LRRC28: variants seen among roughly 807,000 people sequenced by gnomAD.
LRRC28 encodes the protein leucine-rich repeat-containing protein 28.
A neutral mutation model predicts 45.7 loss-of-function variants in LRRC28; 39 were observed. That is an observed-to-expected ratio of 0.85 (90% CI 0.66 to 1.12). The LOEUF (loss-of-function observed/expected upper bound fraction) is 1.12. LRRC28 is among the 50% of genes most tolerant of loss of function. The pLI, the probability that LRRC28 is intolerant of heterozygous loss-of-function variation, is 0.00. For synonymous variants in LRRC28, 206 were observed against 178.8 expected (o/e 1.15, Z -1.22); for missense variants, 435 against 438.5 (o/e 0.99, Z 0.07).
intron 1 of LRRC28, among the ~76,000 whole-genome samples, 163 bp from the exon 2 acceptor site, chr15:99,255,735 T>C (rs1276927085): frequency 1.3e-5 from 2 of 152,226 alleles, no homozygotes; most frequent in African/African-American, 2.4e-5. Flanking sequence ...TTTAATCTCC[T>C]CCTAAATATG....
chr15:99,326,079 CT>C (rs1955965903), intron 5 of LRRC28, among the ~76,000 whole-genome samples: 1 of 151,890 alleles, frequency 6.6e-6, no homozygotes, highest in South Asian at 2.1e-4. Context: ...GGAGTGTGGC[CT>C]CTTATGGGGC....
chr15:99,354,183 A>G (rs1357926567), intron 7 of LRRC28, among the ~76,000 whole-genome samples: 1 of 152,186 alleles, frequency 6.6e-6, no homozygotes, highest in African/African-American at 2.4e-5. Context: ...AAAACTCGAA[A>G]TGCTTTCTTC....
At chr15:99,337,339 G>A (rs1266082277) in intron 6 of LRRC28, among the ~76,000 whole-genome samples, 1 of 152,258 alleles carries the variant, frequency 6.6e-6, no homozygotes, top group African/African-American at 2.4e-5. Context: ...TGCAGCAACA[G>A]AGGACCTGAC....
intron 9 of LRRC28, among the ~76,000 whole-genome samples, chr15:99,378,907 A>C (rs1431953071): frequency 6.6e-6 from 1 of 152,164 alleles, no homozygotes; most frequent in Non-Finnish European, 1.5e-5. Flanking sequence ...ATCATGGTGG[A>C]TAAGCTTCTT....
intron 5 of LRRC28, among the ~76,000 whole-genome samples, chr15:99,333,443 T>C (rs1170317279): frequency 1.3e-5 from 2 of 152,220 alleles, no homozygotes; most frequent in Non-Finnish European, 2.9e-5. Context: ...GACATTCTAA[T>C]TTCTACTCCA....
chr15:99,371,868 C>T (rs1289682061), intron 9 of LRRC28, among the ~76,000 whole-genome samples: 1 of 152,190 alleles, frequency 6.6e-6, no homozygotes, highest in Non-Finnish European at 1.5e-5. Context: ...GCTTTGACCC[C>T]ACCACCTAAT....
At chr15:99,366,882 A>AT (rs1455656958) in intron 9 of LRRC28, among the ~76,000 whole-genome samples, 5 of 135,568 alleles carry the variant, frequency 3.7e-5, no homozygotes, top group Admixed American at 1.5e-4. Flanking sequence ...CCCCACTGAG[A>AT]TAAAAAAAAA....
At position 99,363,057 on chromosome 15, in the gene LRRC28, G is replaced by A. The variant is rs959245133; in HGVS notation, c.872-49G>A. On this transcript the variant is annotated intron_variant, in intron 8 of 9. Transcript: ENST00000301981. ...AAATATTTTAAGAAGCGTAGTTTAAGGAAGTCTGATTTTTTTACTCGTGTG... is the reference window on the plus strand; with the variant it reads ...AAATATTTTAAGAAGCGTAGTTTAAAGAAGTCTGATTTTTTTACTCGTGTG... The A allele has an allele frequency of 5.7e-6, 9 of 1,567,900 alleles. No individual in the cohort carries two copies. The African/African-American group carries it at 8.2e-5, about 14-fold the overall frequency.
intron 2 of LRRC28, among the ~76,000 whole-genome samples, chr15:99,264,831 C>T (rs766041332): frequency 6.6e-6 from 1 of 152,106 alleles, no homozygotes; most frequent in Non-Finnish European, 1.5e-5. Flanking sequence ...AGTTGAACCT[C>T]TGGAAAAAGG....
At chr15:99,316,127 C>G (rs183352208) in intron 5 of LRRC28, among the ~76,000 whole-genome samples, 154 of 152,132 alleles carry the variant, frequency 1.0e-3, no homozygotes, top group African/African-American at 3.6e-3. Flanking sequence ...TTGGCTCAAC[C>G]AGTAAGCCTT....
intron 5 of LRRC28, among the ~76,000 whole-genome samples, chr15:99,291,948 A>G (rs2082132397): frequency 1.3e-5 from 2 of 152,200 alleles, no homozygotes; most frequent in South Asian, 2.1e-4. Context: ...GCACCTTCTC[A>G]TGTATTTATG....
chr15:99,296,840 C>T (rs192642950), intron 5 of LRRC28, among the ~76,000 whole-genome samples: 1 of 152,144 alleles, frequency 6.6e-6, no homozygotes, highest in Admixed American at 6.5e-5. Context: ...GTAGTACTTG[C>T]AAAGAAGGGA....
rs186458223 is a variant in LRRC28 at position 99,333,861 on chromosome 15, T to C, written c.386-62T>C. ...TTTGGTTAAACTGTTATAATATTGA[T>C]TCATTTTGTTTATTTCAGTTCATAA... On this transcript the variant is annotated intron_variant, in intron 5 of 9. Transcript: ENST00000301981. 36 of 1,509,358 alleles carry C rather than the reference T, an allele frequency of 2.4e-5. No homozygotes were observed. The Admixed American group carries it at 5.7e-4, about 24-fold the overall frequency. The allele number at this position is 1,509,358 out of a possible 1,614,324, so 93.5% of individuals were successfully genotyped here.
chr15:99,262,176 A>C (rs908956525), intron 2 of LRRC28, among the ~76,000 whole-genome samples: 20 of 152,038 alleles, frequency 1.3e-4, no homozygotes, highest in African/African-American at 4.8e-4. Context: ...CATTCCACTA[A>C]CCTCTAGGCC....
chr15:99,319,988 G>A (rs1452812594), intron 5 of LRRC28, among the ~76,000 whole-genome samples: 1 of 151,858 alleles, frequency 6.6e-6, no homozygotes, highest in Non-Finnish European at 1.5e-5. Flanking sequence ...GTACTTTTTA[G>A]TAGAGATGGG....
At chr15:99,302,396 T>C (rs1288231034) in intron 5 of LRRC28, among the ~76,000 whole-genome samples, 1 of 151,660 alleles carries the variant, frequency 6.6e-6, no homozygotes, top group African/African-American at 2.4e-5. Flanking sequence ...TTTTTGTTTT[T>C]TTTGAGATGG....
chr15:99,321,995 T>A (rs1157290021), intron 5 of LRRC28, among the ~76,000 whole-genome samples: 1 of 152,136 alleles, frequency 6.6e-6, no homozygotes, highest in Non-Finnish European at 1.5e-5. Flanking sequence ...GAAAATGTGA[T>A]GGTAACATTC....
At chr15:99,259,125 C>T (rs2081115250) in intron 2 of LRRC28, 2 of 1,325,572 alleles carry the variant, frequency 1.5e-6, no homozygotes, top group Non-Finnish European at 2.2e-6. Context: ...TCGAATCGAA[C>T]ATGTCTTGCT....
At chr15:99,376,163 A>G (rs1416988431) in intron 9 of LRRC28, among the ~76,000 whole-genome samples, 1 of 151,996 alleles carries the variant, frequency 6.6e-6, no homozygotes. Flanking sequence ...TCGTATTTTC[A>G]TCTTCTTTCA....
Sources: gnomAD v4.1 joint callset for allele counts (sites outside exome capture counted in the v4.1 genomes callset) on GRCh38, gnomAD v4.1.1 for gene constraint, MANE v1.5 for transcripts, NCBI Gene and HGNC (gene_info 2026-07-23, HGNC 2026-07-21) for gene names.